Variants in STAU2 observed in about 807,000 individuals in gnomAD.
STAU2 encodes double-stranded RNA-binding protein Staufen homolog 2.
A neutral mutation model predicts 65.9 loss-of-function variants in STAU2; 20 were observed. The observed-to-expected ratio is 0.30, with a 90% confidence interval of 0.21 to 0.44. The LOEUF (loss-of-function observed/expected upper bound fraction) is 0.44, where lower values mean the gene tolerates loss of function less well. STAU2 is among the 20% of genes least tolerant of loss of function. STAU2 has a pLI of 1.00. For missense variants in STAU2, 558 were observed against 683.9 expected (o/e 0.82, Z 2.05); for synonymous variants, 232 against 233.9 (o/e 0.99, Z 0.07).
chr8:73,487,182 A>G (rs2383915), intron 13 of STAU2, among the ~76,000 whole-genome samples: 98,910 of 151,860 alleles, frequency 0.65, 32,612 homozygotes, highest in East Asian at 0.9. Context: ...TCAGGCTGCC[A>G]GTGCTATCTG....
intron 5 of STAU2, among the ~76,000 whole-genome samples, chr8:73,684,737 T>C (rs1291330604): frequency 6.6e-6 from 1 of 151,974 alleles, no homozygotes; most frequent in African/African-American, 2.4e-5. Flanking sequence ...ATCCAGAATC[T>C]ACAAGGAACT....
chr8:73,422,058 A>G (rs1306029709), intron 14 of STAU2, among the ~76,000 whole-genome samples: 1 of 151,848 alleles, frequency 6.6e-6, no homozygotes, highest in African/African-American at 2.4e-5. Flanking sequence ...CAAAGCTATG[A>G]GCTGGATTTC....
At chr8:73,451,826 C>T (rs1818815026) in intron 13 of STAU2, among the ~76,000 whole-genome samples, 1 of 152,162 alleles carries the variant, frequency 6.6e-6, no homozygotes, top group Admixed American at 6.5e-5. Context: ...TCTCCAGATG[C>T]TAGGAAGTGC....
intron 13 of STAU2, among the ~76,000 whole-genome samples, chr8:73,520,729 G>T (rs941114970): frequency 2.0e-5 from 3 of 152,186 alleles, no homozygotes; most frequent in Non-Finnish European, 2.9e-5. Context: ...ACAACACAGA[G>T]AACTCCTGTG....
intron 13 of STAU2, among the ~76,000 whole-genome samples, chr8:73,424,006 A>G (rs1816595825): frequency 6.6e-6 from 1 of 152,110 alleles, no homozygotes. Context: ...AGTATCATAT[A>G]AAATAGTTCC....
At chr8:73,626,318 A>G (rs1288204044) in intron 6 of STAU2, among the ~76,000 whole-genome samples, 2 of 152,208 alleles carry the variant, frequency 1.3e-5, no homozygotes, top group African/African-American at 4.8e-5. Flanking sequence ...TGGTTGGTCC[A>G]TTTTTGAGAA....
In STAU2 at chr8:73,613,953, T is replaced by C; in HGVS notation, c.682A>G (p.Ile228Val). 2 of 1,602,142 alleles carry C rather than the reference T, an allele frequency of 1.2e-6. No individual in the cohort carries two copies. The highest frequency in any genetic ancestry group is 1.7e-6 in the Non-Finnish European group (2 of 1,175,678). Reference sequence around the variant, plus strand: ...ATATGTGGTGGTCCACTTTCTTTAATAACCTATTAAATACAAGTAAAATAT... The same window carrying C: ...ATATGTGGTGGTCCACTTTCTTTAACAACCTATTAAATACAAGTAAAATAT... Reference protein sequence around the residue: ...KRNMPVSFEVIKESGPPHMKS... With the variant: ...KRNMPVSFEVVKESGPPHMKS... Residue 228 changes from isoleucine to valine, a missense_variant, in exon 9 of 15, where the codon ATT (isoleucine) becomes GTT (valine). By Grantham distance (29) the Ile-to-Val change is conservative. Transcript: ENST00000524300.
chr8:73,727,173 T>C (rs1007917733), intron 3 of STAU2, among the ~76,000 whole-genome samples: 1 of 152,098 alleles, frequency 6.6e-6, no homozygotes, highest in Admixed American at 6.6e-5. Flanking sequence ...GAGGTTGCAG[T>C]GAGCTGAGAT....
intron 13 of STAU2, among the ~76,000 whole-genome samples, chr8:73,510,241 A>AT (rs1822310399): frequency 6.6e-6 from 1 of 151,642 alleles, no homozygotes; most frequent in South Asian, 2.1e-4. Flanking sequence ...CTAATTTTGT[A>AT]TTTTTTTAAG....
chr8:73,647,597 T>G (rs980741759), intron 6 of STAU2, among the ~76,000 whole-genome samples: 2 of 151,414 alleles, frequency 1.3e-5, no homozygotes, highest in Admixed American at 1.3e-4. Context: ...TTTTTTTTTT[T>G]GGAGACAGTC....
chr8:73,463,690 G>A (rs1374916783), intron 13 of STAU2, among the ~76,000 whole-genome samples: 1 of 152,180 alleles, frequency 6.6e-6, no homozygotes, highest in African/African-American at 2.4e-5. Flanking sequence ...TTGGGGAGGA[G>A]GCTTTCAAAC....
At chr8:73,689,865 C>G (rs1026343225) in intron 4 of STAU2, among the ~76,000 whole-genome samples, 3 of 151,934 alleles carry the variant, frequency 2.0e-5, no homozygotes, top group African/African-American at 7.3e-5. Context: ...AAGTATATAT[C>G]AACAACCATG....
At position 73,428,863 on chromosome 8, in the gene STAU2, C is replaced by T. The variant is rs1817038959; in HGVS notation, c.1531-6161G>A. On this transcript the variant is annotated intron_variant, in intron 13 of 14. Transcript: ENST00000524300. Reference sequence around the variant, plus strand: ...TCAGGGAGCAGCTTCAGCGTTTTAGCTCTTGCAAAATCTCCTGGACGATTT... The same window carrying T: ...TCAGGGAGCAGCTTCAGCGTTTTAGTTCTTGCAAAATCTCCTGGACGATTT... Among the ~76,000 whole-genome samples the T allele has an allele frequency of 2.0e-5, 3 of 152,280 alleles. No homozygotes were observed. In the South Asian group the frequency reaches 6.2e-4, roughly 32 times the overall value.
chr8:73,737,783 G>A (rs1450264130), intron 3 of STAU2, among the ~76,000 whole-genome samples: 2 of 151,702 alleles, frequency 1.3e-5, no homozygotes, highest in African/African-American at 4.8e-5. Context: ...AAAGTTCTTG[G>A]AGAAACGTCA....
At chr8:73,585,213 G>C (rs941526295) in intron 11 of STAU2, among the ~76,000 whole-genome samples, 1 of 152,218 alleles carries the variant, frequency 6.6e-6, no homozygotes, top group Non-Finnish European at 1.5e-5. Flanking sequence ...GGATGTGGTG[G>C]CTCAAGCCTG....
intron 13 of STAU2, among the ~76,000 whole-genome samples, chr8:73,499,859 C>T (rs1344251227): frequency 1.3e-5 from 2 of 151,810 alleles, no homozygotes; most frequent in African/African-American, 4.8e-5. Context: ...CATATGGGCT[C>T]TAGACCACGG....
chr8:73,463,252 C>T lies in STAU2; in HGVS notation c.1531-40550G>A, dbSNP rs545577414. Among the ~76,000 whole-genome samples the T allele has an allele frequency of 3.3e-5, 5 of 152,344 alleles. No individual in the cohort carries two copies. The South Asian group carries it at 8.3e-4, about 25-fold the overall frequency. ...TGGCCATAGACCTTGTGCATGGCAA[C>T]ATGCATGTGCTGGACTTTTGCTGGT... On this transcript the variant is annotated intron_variant, in intron 13 of 14. Coordinates refer to ENST00000524300, the MANE Select transcript of STAU2 (RefSeq NM_001164380.2).
Position 73,485,662 on chromosome 8 carries a change from C to T in STAU2, c.1531-62960G>A, listed in dbSNP as rs118180980. 6.2e-3 allele frequency among the ~76,000 whole-genome samples: 937 copies of T among 152,052 alleles called. 3 individuals are homozygous for T. Among genetic ancestry groups the T allele is most frequent in the Non-Finnish European group, 0.01 (684 of 67,968 alleles). On this transcript the variant is annotated intron_variant, in intron 13 of 14. Coordinates refer to ENST00000524300, the MANE Select transcript of STAU2 (RefSeq NM_001164380.2). ...GGCCAGCCTGAGCAACAGAGCAAGA[C>T]CCTCACCTACAAAAAATAAAAATAT...
intron 13 of STAU2, among the ~76,000 whole-genome samples, chr8:73,513,007 A>G (rs554095280): frequency 6.6e-6 from 1 of 152,296 alleles, no homozygotes; most frequent in South Asian, 2.1e-4. Flanking sequence ...AGTACATCTG[A>G]GCCCACTCAG....
Sources: gnomAD v4.1 joint callset for allele counts (sites outside exome capture counted in the v4.1 genomes callset) on GRCh38, gnomAD v4.1.1 for gene constraint, MANE v1.5 for transcripts, NCBI Gene and HGNC (gene_info 2026-07-23, HGNC 2026-07-21) for gene names.